The following SEMA6D variants were observed in gnomAD, a reference collection of about 807,000 sequenced individuals.
The protein encoded by SEMA6D is semaphorin-6D.
Under a neutral mutation model 106.6 loss-of-function variants are expected in SEMA6D, and 35 were observed. The observed-to-expected ratio is 0.33, with a 90% CI of 0.25 to 0.44. The LOEUF (loss-of-function observed/expected upper bound fraction) is 0.44. Ranked by LOEUF, SEMA6D falls within the 20% of genes least tolerant of loss-of-function variation. The probability of loss-of-function intolerance (pLI) is 1.00; values close to 1 mark genes in which losing one functional copy is unlikely to be tolerated. For synonymous variants in SEMA6D, 499 were observed against 487.7 expected (o/e 1.02, Z -0.31); for missense variants, 1,185 against 1,345.9 (o/e 0.88, Z 1.87).
chr15:47,726,875 T>C (rs1043052018), intron 1 of SEMA6D, among the ~76,000 whole-genome samples: 1 of 152,216 alleles, frequency 6.6e-6, no homozygotes, highest in Non-Finnish European at 1.5e-5. Flanking sequence ...TTAACTGATA[T>C]ATGTACCTTG....
At chr15:47,242,480 G>A (rs1034186942) in intron 1 of SEMA6D, among the ~76,000 whole-genome samples, 2 of 152,118 alleles carry the variant, frequency 1.3e-5, no homozygotes, top group Non-Finnish European at 2.9e-5. Context: ...ACCTGGGTCA[G>A]GCTCAATCAA....
At chr15:47,447,567 G>A (rs1329584756) in intron 2 of SEMA6D, among the ~76,000 whole-genome samples, 2 of 152,114 alleles carry the variant, frequency 1.3e-5, no homozygotes, top group Non-Finnish European at 2.9e-5. Context: ...AGAAGCTCTT[G>A]TGCTCAGGAC....
intron 1 of SEMA6D, among the ~76,000 whole-genome samples, chr15:47,748,407 G>T (rs1386853861): frequency 1.3e-5 from 2 of 152,244 alleles, no homozygotes; most frequent in Non-Finnish European, 2.9e-5. Context: ...GATCCTGGCA[G>T]TAAAGAGGAA....
intron 4 of SEMA6D, among the ~76,000 whole-genome samples, chr15:47,625,125 G>A (rs1295984746): frequency 6.6e-6 from 1 of 152,058 alleles, no homozygotes; most frequent in East Asian, 1.9e-4. Context: ...ACCAAATGAA[G>A]TTAAGATTCT....
intron 1 of SEMA6D, among the ~76,000 whole-genome samples, chr15:47,405,560 A>G (rs2146083483): frequency 6.6e-6 from 1 of 152,292 alleles, no homozygotes; most frequent in African/African-American, 2.4e-5. Flanking sequence ...CTATAAAATG[A>G]ATCAGTGCCT....
At chr15:47,566,087 A>G (rs2046222908) in intron 3 of SEMA6D, among the ~76,000 whole-genome samples, 1 of 152,244 alleles carries the variant, frequency 6.6e-6, no homozygotes, top group South Asian at 2.1e-4. Flanking sequence ...ATAATCTCAC[A>G]GAGTACCAGT....
intron 2 of SEMA6D, among the ~76,000 whole-genome samples, chr15:47,414,093 T>C (rs1466865472): frequency 1.3e-5 from 2 of 152,198 alleles, no homozygotes; most frequent in Non-Finnish European, 2.9e-5. Context: ...GATTGTAAAA[T>C]AGCTTGGAAG....
At chr15:47,310,832 A>T (rs757322085) in intron 1 of SEMA6D, among the ~76,000 whole-genome samples, 3 of 152,214 alleles carry the variant, frequency 2.0e-5, no homozygotes, top group Non-Finnish European at 4.4e-5. Context: ...TTATCTGCAA[A>T]AAGTAGACAT....
intron 1 of SEMA6D, among the ~76,000 whole-genome samples, chr15:47,331,404 G>A (rs1263234062): frequency 6.6e-6 from 1 of 152,074 alleles, no homozygotes; most frequent in Non-Finnish European, 1.5e-5. Context: ...ATTATGAACA[G>A]CTTACTTAAG....
intron 4 of SEMA6D, among the ~76,000 whole-genome samples, chr15:47,623,119 C>G (rs2077138811): frequency 6.6e-6 from 1 of 152,196 alleles, no homozygotes. Flanking sequence ...AAGTTTCTAT[C>G]TGTGTGAAAG....
chr15:47,352,966 T>C (rs903216726), intron 1 of SEMA6D, among the ~76,000 whole-genome samples: 20 of 152,196 alleles, frequency 1.3e-4, no homozygotes, highest in African/African-American at 4.8e-4. Context: ...ATATCTAACA[T>C]GTGATCCTCT....
At chr15:47,498,816 A>G (rs904469446) in intron 3 of SEMA6D, among the ~76,000 whole-genome samples, 5 of 152,134 alleles carry the variant, frequency 3.3e-5, no homozygotes, top group Admixed American at 2.6e-4. Flanking sequence ...CGTGAGAAAG[A>G]CAGAAATGAC....
chr15:47,303,758 A>G (rs890309507), intron 1 of SEMA6D, among the ~76,000 whole-genome samples: 2 of 152,184 alleles, frequency 1.3e-5, no homozygotes, highest in Non-Finnish European at 2.9e-5. Context: ...TGATGACACC[A>G]GTATATAAGT....
chr15:47,333,286 TGTGAA>T (rs1251436512), intron 1 of SEMA6D, among the ~76,000 whole-genome samples: 1 of 152,168 alleles, frequency 6.6e-6, no homozygotes, highest in Non-Finnish European at 1.5e-5. Context: ...TGCACATTGT[TGTGAA>T]GTGTATATCA....
chr15:47,547,208 A>G (rs533398877), intron 3 of SEMA6D, among the ~76,000 whole-genome samples: 98 of 152,178 alleles, frequency 6.4e-4, no homozygotes, highest in Middle Eastern at 3.4e-3. Context: ...TAGGGAAAAA[A>G]TGTTGAAAAT....
Position 47,771,026 on chromosome 15 carries a change from T to C in SEMA6D, c.2463T>C (p.His821=), listed in dbSNP as rs768288229. 9 of 1,614,044 alleles carry C rather than the reference T, an allele frequency of 5.6e-6. No homozygotes were observed. Among genetic ancestry groups the C allele is most frequent in the Admixed American group, 1.7e-5 (1 of 59,998 alleles). ...CGCCACCTCATTCCCCATTAAGTCA[T>C]GGGCATATCCCCAGTGCCATTGTTC... ...SSPPPHSPLS[H]GHIPSAIVLP... Residue 821 remains histidine (H), a synonymous_variant, in exon 19 of 19, where the codon CAT becomes CAC. Transcript: ENST00000536845.
At chr15:47,311,117 C>G (rs935752564) in intron 1 of SEMA6D, among the ~76,000 whole-genome samples, 1 of 152,166 alleles carries the variant, frequency 6.6e-6, no homozygotes, top group Non-Finnish European at 1.5e-5. Flanking sequence ...ATCAACAGAA[C>G]GTGAGACAGA....
chr15:47,716,445 G>A (rs181603820), upstream of SEMA6D, among the ~76,000 whole-genome samples: 91 of 152,280 alleles, frequency 6.0e-4, 1 homozygote, highest in East Asian at 9.3e-3. Flanking sequence ...AGTCCTTTCT[G>A]CGCCCCTCTC....
intron 3 of SEMA6D, among the ~76,000 whole-genome samples, chr15:47,584,971 T>G (rs1290301786): frequency 6.6e-6 from 1 of 152,218 alleles, no homozygotes; most frequent in Non-Finnish European, 1.5e-5. Context: ...GGAAGTGATA[T>G]TGATAAGGCC....
Sources: allele counts gnomAD v4.1 joint callset (sites outside exome capture counted in the v4.1 genomes callset), GRCh38; gene constraint gnomAD v4.1.1; transcripts MANE v1.5; gene names NCBI Gene and HGNC (gene_info 2026-07-23, HGNC 2026-07-21).